Variants in ZNF521 observed in about 807,000 individuals in gnomAD.
The protein encoded by ZNF521 is zinc finger protein 521.
ZNF521 carries 14 observed loss-of-function variants against 105.5 expected under a neutral mutation model. That is an observed-to-expected ratio of 0.13 (90% CI 0.09 to 0.21). The LOEUF is 0.21. ZNF521 is among the 10% of genes least tolerant of loss of function. ZNF521 has a pLI of 1.00. For missense variants in ZNF521, 1,233 were observed against 1,629.7 expected, an observed-to-expected ratio of 0.76 and a Z score of 4.19; for synonymous variants, 635 against 606.0, an observed-to-expected ratio of 1.05 and a Z score of -0.70.
chr18:25,148,619 C>T (rs543794132), intron 5 of ZNF521, among the ~76,000 whole-genome samples: 1 of 152,048 alleles, frequency 6.6e-6, no homozygotes, highest in Admixed American at 6.6e-5. Context: ...TTTCCAGATA[C>T]CCTGAACCTG....
At chr18:25,259,900 C>T (rs182205766) in intron 3 of ZNF521, among the ~76,000 whole-genome samples, 1 of 152,234 alleles carries the variant, frequency 6.6e-6, no homozygotes, top group East Asian at 1.9e-4. Flanking sequence ...CAGAAAAGCA[C>T]AGCATGAGGA....
intron 4 of ZNF521, among the ~76,000 whole-genome samples, chr18:25,203,409 G>C (rs905550096): frequency 6.6e-6 from 1 of 152,180 alleles, no homozygotes; most frequent in Non-Finnish European, 1.5e-5. Flanking sequence ...TTGAATCCAG[G>C]AGTTCAAGAC....
At chr18:25,073,685 C>A (rs2033280365) in intron 7 of ZNF521, among the ~76,000 whole-genome samples, 1 of 152,176 alleles carries the variant, frequency 6.6e-6, no homozygotes, top group Admixed American at 6.5e-5. Flanking sequence ...TTGATAGGGA[C>A]ACGGATTCCC....
Position 25,148,938 on chromosome 18 carries a change from T to C in ZNF521, c.3658+46222A>G, listed in dbSNP as rs1190313486. Among the ~76,000 whole-genome samples, 4 of 152,320 alleles carry C rather than the reference T, an allele frequency of 2.6e-5. No individual in the cohort carries two copies. In the South Asian group the frequency reaches 8.3e-4, roughly 32 times the overall value. ...TATACAAGTACCAGCTTCTGTTATG[T>C]CCCTTTTCAGTGTGCTCACATAAAT... On this transcript the variant is annotated intron_variant, in intron 5 of 7. Transcript: ENST00000361524.
At chr18:25,244,287 C>CAA (rs931611353) in intron 3 of ZNF521, among the ~76,000 whole-genome samples, 31 of 81,690 alleles carry the variant, frequency 3.8e-4, no homozygotes, top group African/African-American at 1.6e-3. Context: ...CATGTGCACA[C>CAA]ACACACACAC....
In ZNF521 at chr18:25,103,336, C is replaced by T. The variant is rs79000190; in HGVS notation, c.3659-11255G>A. 8.5e-3 allele frequency among the ~76,000 whole-genome samples: 1,300 copies of T among 152,262 alleles called. 15 individuals carry two copies. Among genetic ancestry groups the T allele is most frequent in the African/African-American group, 0.028 (1,150 of 41,552 alleles). On this transcript the variant is annotated intron_variant, in intron 5 of 7. Coordinates refer to ENST00000361524, the MANE Select transcript of ZNF521 (RefSeq NM_015461.3). ...TACCCAAAACCCTGTGGAGGCTGGG[C>T]TTGAGTGCTCCTTTATGGAGTTATA...
In ZNF521 at chr18:25,281,651, A is replaced by G. The variant is rs77073656; in HGVS notation, c.220+40357T>C. On this transcript the variant is annotated intron_variant, in intron 3 of 7. Transcript: ENST00000361524. ...GGGACTATTAGTAGCTCCATTTTAC[A>G]GATACAGAAGCACAAAGAGTTAGTT... Among the ~76,000 whole-genome samples, 1,471 of 152,326 alleles carry G rather than the reference A, an allele frequency of 9.7e-3. 24 individuals carry two copies. Among genetic ancestry groups the G allele is most frequent in the African/African-American group, 0.033 (1,368 of 41,576 alleles).
Position 25,352,018 on chromosome 18 carries a change from G to A in ZNF521, c.-15C>T, listed in dbSNP as rs558606534. ...CTCATCACAAACCTGCAAGGTCTTG[G>A]ACTGCGCTGTCGCTCCGGTAGTCCA... On this transcript the variant is annotated 5_prime_UTR_variant, in exon 1 of 8. Transcript: ENST00000361524. 1.7e-4 allele frequency: 79 copies of A among 472,784 alleles called. No homozygotes were observed. The East Asian group carries it at 5.0e-3, about 30-fold the overall frequency. The allele number at this position is 472,784 out of a possible 1,614,324, so 29.3% of individuals were successfully genotyped here. A position where few individuals can be genotyped will look rare whatever the true frequency, so the allele number is the denominator to read the frequency against.
intron 7 of ZNF521, among the ~76,000 whole-genome samples, chr18:25,063,238 G>A (rs1188093229): frequency 1.3e-5 from 2 of 152,184 alleles, no homozygotes; most frequent in Non-Finnish European, 2.9e-5. Flanking sequence ...CTCTGAGACT[G>A]TAACATCTTG....
chr18:25,104,782 C>T (rs1486744638), intron 5 of ZNF521, among the ~76,000 whole-genome samples: 2 of 151,964 alleles, frequency 1.3e-5, no homozygotes, highest in Non-Finnish European at 2.9e-5. Context: ...AAAGACAGTT[C>T]AGAAATTGAA....
intron 5 of ZNF521, among the ~76,000 whole-genome samples, chr18:25,156,928 G>C (rs1000345134): frequency 2.0e-5 from 3 of 152,130 alleles, no homozygotes; most frequent in African/African-American, 7.2e-5. Flanking sequence ...AAATGGCAAA[G>C]GTGGCTCATG....
chr18:25,281,835 C>CAAGT (rs1253458764), intron 3 of ZNF521, among the ~76,000 whole-genome samples: 2 of 151,938 alleles, frequency 1.3e-5, no homozygotes, highest in African/African-American at 4.8e-5. Flanking sequence ...TCTTACCAGG[C>CAAGT]AAGTGGCTAG....
intron 4 of ZNF521, among the ~76,000 whole-genome samples, chr18:25,216,206 A>G (rs543260701): frequency 7.2e-5 from 11 of 152,294 alleles, no homozygotes; most frequent in Non-Finnish European, 1.6e-4. Flanking sequence ...GGACTTGAGT[A>G]GGCTCTGAAT....
At chr18:25,186,919 A>AAG (rs1555644893) in intron 5 of ZNF521, among the ~76,000 whole-genome samples, 35 of 149,330 alleles carry the variant, frequency 2.3e-4, no homozygotes, top group South Asian at 1.3e-3. Context: ...AAAAAAAAAA[A>AAG]AAGAAAAAGA....
chr18:25,339,687 G>A (rs1286003688), intron 2 of ZNF521, among the ~76,000 whole-genome samples: 1 of 152,130 alleles, frequency 6.6e-6, no homozygotes, highest in Non-Finnish European at 1.5e-5. Context: ...TGTCTACATT[G>A]TAGGTTACGG....
chr18:25,273,438 CAA>C (rs1034003499), intron 3 of ZNF521: 11 of 151,844 alleles, frequency 7.2e-5, no homozygotes, highest in African/African-American at 2.7e-4. Flanking sequence ...AGCAGGAAAA[CAA>C]AAGACAAATA....
intron 4 of ZNF521, among the ~76,000 whole-genome samples, chr18:25,216,566 C>CT (rs929334144): frequency 2.2e-4 from 34 of 152,100 alleles, no homozygotes; most frequent in Admixed American, 5.9e-4. Context: ...CGAAATAGGG[C>CT]TTTTTTCCTT....
chr18:25,092,121 G>C lies in ZNF521; in HGVS notation c.3659-40C>G, dbSNP rs143494628. 302 of 1,611,432 alleles carry C rather than the reference G, an allele frequency of 1.9e-4. 1 individual carries two copies. In the African/African-American group the frequency reaches 3.8e-3, roughly 20 times the overall value. On this transcript the variant is annotated intron_variant, in intron 5 of 7. Transcript: ENST00000361524. ...ACATGAAGAGAAATGATGAAAACCT[G>C]TCATATCTTTAATACACTAGAGAGT... is the stretch of plus-strand genomic sequence containing the variant.
chr18:25,173,006 C>T (rs1291542759), intron 5 of ZNF521, among the ~76,000 whole-genome samples: 1 of 152,180 alleles, frequency 6.6e-6, no homozygotes. Flanking sequence ...AACTGAAGTA[C>T]GCAAACGGTT....
Sources: gnomAD v4.1 joint callset for allele counts (sites outside exome capture counted in the v4.1 genomes callset) on GRCh38, gnomAD v4.1.1 for gene constraint, MANE v1.5 for transcripts, NCBI Gene and HGNC (gene_info 2026-07-23, HGNC 2026-07-21) for gene names.